Variants in KIAA1671 observed in about 807,000 individuals in gnomAD.
KIAA1671 encodes the protein uncharacterized protein KIAA1671.
A neutral mutation model predicts 131.2 loss-of-function variants in KIAA1671; 52 were observed. The observed-to-expected ratio is 0.40, with a 90% CI of 0.32 to 0.50. The LOEUF is 0.50. Ranked by LOEUF, KIAA1671 falls within the 20% of genes least tolerant of loss-of-function variation. The pLI is 0.73. For synonymous variants in KIAA1671, 1,003 were observed against 961.6 expected, an observed-to-expected ratio of 1.04 and a Z score of -0.80; for missense variants, 2,360 against 2,364.2, an observed-to-expected ratio of 1.00 and a Z score of 0.04.
intron 6 of KIAA1671, among the ~76,000 whole-genome samples, chr22:25,068,072 C>G (rs1272168267): frequency 6.6e-6 from 1 of 152,234 alleles, no homozygotes; most frequent in Non-Finnish European, 1.5e-5. Context: ...GCTATGCTGT[C>G]AGCTGGGGCT....
rs932743796 is a variant in KIAA1671 at position 25,193,493 on chromosome 22, T to G, written c.*1092T>G. On this transcript the variant is annotated 3_prime_UTR_variant, in exon 13 of 13. Coordinates refer to ENST00000358431, the MANE Select transcript of KIAA1671 (RefSeq NM_001145206.2). ...ATGAATGAAGGGTACTTTTTGCTTTTGCTCACCTCATTTTCCTTCATCTTT... is the reference window on the plus strand; with the variant it reads ...ATGAATGAAGGGTACTTTTTGCTTTGGCTCACCTCATTTTCCTTCATCTTT... 9 of 152,250 alleles carry G rather than the reference T, an allele frequency of 5.9e-5. No individual in the cohort carries two copies. Among genetic ancestry groups the G allele is most frequent in the African/African-American group, 2.2e-4 (9 of 41,458 alleles). 9.4% of individuals were successfully genotyped at this position (152,250 alleles called of 1,614,324 possible).
Position 25,039,992 on chromosome 22 carries a change from C to A in KIAA1671, c.2862C>A (p.Pro954=), listed in dbSNP as rs11705626. 180,931 of 1,551,116 alleles carry A rather than the reference C, an allele frequency of 0.12. 11,315 individuals are homozygous for A. Among genetic ancestry groups the A allele is most frequent in the Middle Eastern group, 0.16 (929 of 5,984 alleles). The change falls in exon 5 of 13, where the codon CCC becomes CCA. Residue 954 remains proline, a synonymous_variant. Coordinates refer to ENST00000358431, the MANE Select transcript of KIAA1671 (RefSeq NM_001145206.2). ...MDRWRRRTLP[P]NVKFDTFSSL... ...GATGGCGGCGGCGGACTTTACCCCC[C>A]AACGTGAAATTTGATACATTCAGTT...
chr22:25,123,348 A>C (rs1478018671), intron 6 of KIAA1671, among the ~76,000 whole-genome samples: 1 of 151,884 alleles, frequency 6.6e-6, no homozygotes, highest in Non-Finnish European at 1.5e-5. Flanking sequence ...ACGTGCCAAC[A>C]CACCTGGCTA....
chr22:24,996,851 T>TG (rs1284653541), intron 1 of KIAA1671, among the ~76,000 whole-genome samples: 5 of 152,008 alleles, frequency 3.3e-5, no homozygotes, highest in Admixed American at 6.5e-5. Context: ...TCATAGCAGC[T>TG]GGGGGATGGG....
intron 1 of KIAA1671, among the ~76,000 whole-genome samples, chr22:24,964,189 CA>C (rs1922170237): frequency 6.6e-6 from 1 of 151,764 alleles, no homozygotes; most frequent in African/African-American, 2.4e-5. Context: ...ATTAGCTAGG[CA>C]TGGTGGTGCA....
intron 6 of KIAA1671, among the ~76,000 whole-genome samples, chr22:25,160,840 G>T (rs796112408): frequency 1.3e-5 from 2 of 152,330 alleles, no homozygotes; most frequent in South Asian, 4.1e-4. Context: ...CATAGAGCTG[G>T]GGATGGGGCA....
intron 8 of KIAA1671, chr22:25,174,922 C>A (rs1393617073): frequency 1.3e-5 from 2 of 158,104 alleles, no homozygotes; most frequent in Non-Finnish European, 2.8e-5. Context: ...TAAGGTCTTG[C>A]TTGGTACAAC....
At chr22:25,043,800 G>A (rs1927073443) in intron 5 of KIAA1671, among the ~76,000 whole-genome samples, 1 of 152,160 alleles carries the variant, frequency 6.6e-6, no homozygotes, top group Non-Finnish European at 1.5e-5. Context: ...AGCGTAGAAT[G>A]TTGTGGGGGA....
chr22:25,108,838 T>A (rs761926351), intron 6 of KIAA1671, among the ~76,000 whole-genome samples: 2 of 152,172 alleles, frequency 1.3e-5, no homozygotes, highest in African/African-American at 2.4e-5. Flanking sequence ...GAATTTCTTA[T>A]GACGTTGTAC....
intron 9 of KIAA1671, among the ~76,000 whole-genome samples, chr22:25,180,773 C>T (rs536288416): frequency 2.0e-5 from 3 of 152,306 alleles, no homozygotes; most frequent in African/African-American, 7.2e-5. Flanking sequence ...CTCTCCCACT[C>T]CTATCCCATT....
At chr22:25,017,757 C>T (rs1472801762) in intron 1 of KIAA1671, among the ~76,000 whole-genome samples, 1 of 152,140 alleles carries the variant, frequency 6.6e-6, no homozygotes, top group Non-Finnish European at 1.5e-5. Context: ...TGGGATCACC[C>T]TGACTAAAAC....
chr22:25,145,001 C>A (rs1932855957), intron 6 of KIAA1671, among the ~76,000 whole-genome samples: 1 of 152,164 alleles, frequency 6.6e-6, no homozygotes, highest in Admixed American at 6.5e-5. Flanking sequence ...CTCTCAGAGT[C>A]CTTGACTAAC....
At chr22:24,964,996 C>T (rs763439535) in intron 1 of KIAA1671, among the ~76,000 whole-genome samples, 6 of 151,990 alleles carry the variant, frequency 3.9e-5, no homozygotes, top group Non-Finnish European at 8.8e-5. Context: ...CCTCCCTGAG[C>T]CTCAGTTCTT....
At chr22:25,185,188 G>C in intron 11 of KIAA1671, 69 bp downstream of exon 11, 1 of 1,432,284 alleles carries the variant, frequency 7.0e-7, no homozygotes, top group Non-Finnish European at 9.3e-7. Context: ...AGAGGTGCTC[G>C]CATAGGTTTT....
rs1404481752 is a variant in KIAA1671 at position 25,029,302 on chromosome 22, A to T, written c.1303A>T (p.Arg435Trp). Reference protein sequence around the residue: ...AAAGGEWASRRSVRKCISLFR... With the variant: ...AAAGGEWASRWSVRKCISLFR... Reference sequence around the variant, plus strand: ...GGCAGGGGGAGAGTGGGCCTCCAGGAGGAGTGTCAGGAAGTGCATCAGCCT... The same window carrying T: ...GGCAGGGGGAGAGTGGGCCTCCAGGTGGAGTGTCAGGAAGTGCATCAGCCT... The change falls in exon 3 of 13, where the codon AGG becomes TGG. Residue 435 changes from arginine (R) to tryptophan (W), a missense_variant. This residue lies in a region of KIAA1671 where 1,185 missense variants were observed against 1,126.2 expected (regional missense o/e 1.05). Transcript: ENST00000358431. The T allele has an allele frequency of 8.5e-6, 13 of 1,528,884 alleles. No individual in the cohort carries two copies. The East Asian group carries it at 3.0e-4, about 35-fold the overall frequency. 94.7% of individuals were successfully genotyped at this position (1,528,884 alleles called of 1,614,324 possible).
chr22:25,167,699 A>G lies in KIAA1671; in HGVS notation c.4531-3121A>G, dbSNP rs143060305. On this transcript the variant is annotated intron_variant, in intron 6 of 12. Coordinates refer to ENST00000358431, the MANE Select transcript of KIAA1671 (RefSeq NM_001145206.2). The stretch of plus-strand genomic sequence containing the variant: ...CTACAGACAGTAGAATTAAGAGTGG[A>G]CAGCAGCTCTTATTTGGGTCTATGA... 3.8e-3 allele frequency among the ~76,000 whole-genome samples: 583 copies of G among 152,322 alleles called. 2 individuals are homozygous for G. Among genetic ancestry groups the G allele is most frequent in the African/African-American group, 0.013 (554 of 41,566 alleles).
intron 6 of KIAA1671, among the ~76,000 whole-genome samples, chr22:25,157,755 T>TC (rs1417372627): frequency 2.0e-5 from 3 of 152,102 alleles, no homozygotes. Context: ...CACCTAAATG[T>TC]ATCACACAGG....
intron 1 of KIAA1671, among the ~76,000 whole-genome samples, chr22:24,993,579 T>C (rs1419615385): frequency 6.6e-6 from 1 of 152,134 alleles, no homozygotes; most frequent in Non-Finnish European, 1.5e-5. Context: ...CCTGTTCCCA[T>C]CACCTCCCTT....
intron 8 of KIAA1671, 146 bp downstream of exon 8, chr22:25,174,635 C>A: frequency 1.1e-6 from 1 of 918,016 alleles, no homozygotes; most frequent in Non-Finnish European, 1.6e-6. Flanking sequence ...CTCACTTATG[C>A]ATGTATCTTG....
Sources: allele counts gnomAD v4.1 joint callset (sites outside exome capture counted in the v4.1 genomes callset), GRCh38; gene constraint gnomAD v4.1.1; regional missense constraint gnomAD v4.1.1; transcripts MANE v1.5; gene names NCBI Gene and HGNC (gene_info 2026-07-23, HGNC 2026-07-21).